EXOC2: variants seen among roughly 807,000 people sequenced by gnomAD.
EXOC2 encodes SEC5-like 1.
Under a neutral mutation model 131.8 loss-of-function variants are expected in EXOC2, and 70 were observed. The ratio of observed to expected loss-of-function variants is 0.53; its 90% CI spans 0.44 to 0.65. The LOEUF (loss-of-function observed/expected upper bound fraction) is 0.65. EXOC2 is among the 30% of genes least tolerant of loss of function. EXOC2 has a pLI of 0.00. For missense variants in EXOC2, 923 were observed against 1,108.6 expected (o/e 0.83, Z 2.38); for synonymous variants, 411 against 398.4 (o/e 1.03, Z -0.38).
chr6:625,381 C>T (rs184335961), intron 4 of EXOC2, among the ~76,000 whole-genome samples: 4 of 152,334 alleles, frequency 2.6e-5, no homozygotes, highest in East Asian at 1.9e-4. Flanking sequence ...GGATGGAAGA[C>T]GGAGGGGGGA....
intron 9 of EXOC2, among the ~76,000 whole-genome samples, 194 bp downstream of exon 9, chr6:598,666 C>T (rs1009314071): frequency 1.3e-5 from 2 of 152,164 alleles, no homozygotes; most frequent in African/African-American, 4.8e-5. Context: ...AACCTAGAGT[C>T]GTGGTTGCTC....
chr6:494,505 T>C (rs1763607189), intron 25 of EXOC2, among the ~76,000 whole-genome samples: 1 of 152,004 alleles, frequency 6.6e-6, no homozygotes, highest in Non-Finnish European at 1.5e-5. Flanking sequence ...AGTGTGGCAT[T>C]TGATGAGTTT....
chr6:567,072 G>T (rs989453168), intron 13 of EXOC2, among the ~76,000 whole-genome samples: 6 of 152,134 alleles, frequency 3.9e-5, no homozygotes, highest in African/African-American at 1.4e-4. Context: ...CTGCCTGGAG[G>T]ACCTCCATGG....
intron 4 of EXOC2, among the ~76,000 whole-genome samples, chr6:627,584 A>T (rs957121390): frequency 6.6e-6 from 1 of 152,180 alleles, no homozygotes; most frequent in African/African-American, 2.4e-5. Flanking sequence ...ATTCCTGTCC[A>T]CAGAAATGCA....
chr6:670,506 G>T lies in EXOC2; in HGVS notation c.-44+22513C>A, dbSNP rs934177768. Among the ~76,000 whole-genome samples the T allele has an allele frequency of 2.0e-5, 3 of 151,698 alleles. No homozygotes were observed. The East Asian group carries it at 5.8e-4, about 29-fold the overall frequency. ...TTTTTTTAATTTAAAAAAAAAAAAG[G>T]GAAGGAGGACTTCAAACAGCTTTCT... On this transcript the variant is annotated intron_variant, in intron 1 of 27. Transcript: ENST00000230449.
intron 4 of EXOC2, among the ~76,000 whole-genome samples, chr6:623,560 A>G (rs1047499053): frequency 3.3e-5 from 5 of 152,216 alleles, no homozygotes; most frequent in African/African-American, 1.2e-4. Flanking sequence ...TCACACCATT[A>G]AGGCCAGGAC....
intron 5 of EXOC2, 98 bp from the exon 6 acceptor site, chr6:617,933 T>A: frequency 1.5e-6 from 2 of 1,372,620 alleles, no homozygotes; most frequent in Non-Finnish European, 2.0e-6. Flanking sequence ...CTAAAACCGA[T>A]GCTAAGTAGC....
At chr6:648,083 T>C (rs1184818046) in intron 1 of EXOC2, among the ~76,000 whole-genome samples, 1 of 152,200 alleles carries the variant, frequency 6.6e-6, no homozygotes, top group African/African-American at 2.4e-5. Flanking sequence ...GGAAGACCTG[T>C]CATTTAATTT....
chr6:565,016 T>A (rs1757901671), intron 13 of EXOC2, 87 bp from the exon 14 acceptor site: 1 of 980,618 alleles, frequency 1.0e-6, no homozygotes, highest in Non-Finnish European at 1.5e-6. Context: ...AAGAGAACAT[T>A]AAATATGGTT....
At chr6:584,744 T>C (rs183275400) in intron 11 of EXOC2, among the ~76,000 whole-genome samples, 8 of 152,400 alleles carry the variant, frequency 5.2e-5, no homozygotes, top group Admixed American at 4.6e-4. Flanking sequence ...AGTGTGGCCA[T>C]GTTCTAAATG....
intron 1 of EXOC2, among the ~76,000 whole-genome samples, chr6:638,878 G>A (rs541304042): frequency 3.3e-5 from 5 of 152,252 alleles, no homozygotes; most frequent in Admixed American, 1.3e-4. Context: ...GCAGTGAGCC[G>A]AGATTGCGCC....
intron 11 of EXOC2, among the ~76,000 whole-genome samples, chr6:585,551 A>T (rs1251724500): frequency 6.6e-6 from 1 of 152,244 alleles, no homozygotes; most frequent in Non-Finnish European, 1.5e-5. Flanking sequence ...TCTCGGAAAA[A>T]GGTAGCTTTG....
chr6:604,941 G>A (rs1006173415), intron 7 of EXOC2, among the ~76,000 whole-genome samples: 3 of 151,742 alleles, frequency 2.0e-5, no homozygotes, highest in African/African-American at 4.8e-5. Context: ...CCCTTTTGTG[G>A]GCTGTAGCCA....
intron 1 of EXOC2, chr6:689,230 T>C (rs1053458383): frequency 1.3e-5 from 2 of 151,104 alleles, no homozygotes; most frequent in Non-Finnish European, 2.9e-5. Flanking sequence ...AAATATTACA[T>C]AGAAAAACTG....
At chr6:553,419 C>G (rs1317930851) in intron 21 of EXOC2, among the ~76,000 whole-genome samples, 1 of 127,928 alleles carries the variant, frequency 7.8e-6, no homozygotes, top group African/African-American at 2.8e-5. Flanking sequence ...GTGTGTGTAT[C>G]TATTTGAGGC....
At chr6:590,331 T>C (rs1759471818) in intron 11 of EXOC2, among the ~76,000 whole-genome samples, 1 of 152,196 alleles carries the variant, frequency 6.6e-6, no homozygotes. Context: ...AATGGGGATG[T>C]TGACATGGCT....
intron 11 of EXOC2, among the ~76,000 whole-genome samples, chr6:591,996 T>G (rs372825018): frequency 2.0e-5 from 3 of 152,196 alleles, no homozygotes; most frequent in African/African-American, 7.2e-5. Flanking sequence ...TTACTCCCTT[T>G]TGGAACATCT....
intron 11 of EXOC2, among the ~76,000 whole-genome samples, chr6:578,428 A>G (rs558983222): frequency 1.4e-3 from 211 of 152,296 alleles, no homozygotes; most frequent in African/African-American, 4.9e-3. Context: ...CAATAGATAA[A>G]TAAACAACAA....
intron 1 of EXOC2, chr6:657,102 T>C (rs1172716474): frequency 1.4e-5 from 8 of 565,108 alleles, no homozygotes; most frequent in East Asian, 3.3e-5. Flanking sequence ...GCGGGTTCTG[T>C]TGTGGGTTCC....
Sources: gnomAD v4.1 joint callset for allele counts (sites outside exome capture counted in the v4.1 genomes callset) on GRCh38, gnomAD v4.1.1 for gene constraint, MANE v1.5 for transcripts, NCBI Gene and HGNC (gene_info 2026-07-23, HGNC 2026-07-21) for gene names.